The following AUTS2 variants were observed in gnomAD, a reference collection of about 807,000 sequenced individuals.
AUTS2 encodes the protein autism susceptibility gene 2 protein.
In AUTS2, 17 loss-of-function variants were observed where a neutral mutation model predicts 112.4. That is an observed-to-expected ratio of 0.15 (90% CI 0.10 to 0.23). The LOEUF (loss-of-function observed/expected upper bound fraction) is 0.23, where lower values mean the gene tolerates loss of function less well. Ranked by LOEUF, AUTS2 falls within the 10% of genes least tolerant of loss-of-function variation. The pLI is 1.00. For missense variants in AUTS2, 1,510 were observed against 1,701.6 expected (o/e 0.89, Z 1.98); for synonymous variants, 751 against 702.7 (o/e 1.07, Z -1.09).
intron 1 of AUTS2, among the ~76,000 whole-genome samples, chr7:69,836,721 A>G (rs1454791553): frequency 6.6e-6 from 1 of 152,220 alleles, no homozygotes. Context: ...TACTTTCTGC[A>G]CACTTAAACT....
intron 1 of AUTS2, among the ~76,000 whole-genome samples, chr7:69,719,376 A>G (rs1344448657): frequency 6.6e-6 from 1 of 152,178 alleles, no homozygotes; most frequent in Non-Finnish European, 1.5e-5. Flanking sequence ...TGAGTATGAT[A>G]CAACATGAAG....
chr7:70,347,454 A>T (rs1218235027), intron 4 of AUTS2, among the ~76,000 whole-genome samples: 1 of 152,202 alleles, frequency 6.6e-6, no homozygotes, highest in African/African-American at 2.4e-5. Flanking sequence ...GAAGGTGGGC[A>T]TGTATGGGTG....
At chr7:69,893,201 C>T (rs887538956) in intron 1 of AUTS2, among the ~76,000 whole-genome samples, 4 of 152,198 alleles carry the variant, frequency 2.6e-5, no homozygotes, top group African/African-American at 9.6e-5. Flanking sequence ...GAATGCCATC[C>T]TGGATGCCTT....
At chr7:70,755,412 C>G (rs978249694) in intron 6 of AUTS2, among the ~76,000 whole-genome samples, 9 of 152,114 alleles carry the variant, frequency 5.9e-5, no homozygotes, top group African/African-American at 1.7e-4. Flanking sequence ...CGCCTGTAAT[C>G]CCAGCACTTT....
At chr7:69,829,992 C>A (rs1791428883) in intron 1 of AUTS2, among the ~76,000 whole-genome samples, 1 of 152,068 alleles carries the variant, frequency 6.6e-6, no homozygotes, top group Non-Finnish European at 1.5e-5. Context: ...AACCCAGATG[C>A]CCATCAGTGA....
rs1455630963 is a variant in AUTS2 at position 70,789,874 on chromosome 7, G to A, written c.2658G>A (p.Glu886=). 2 of 1,614,052 alleles carry A rather than the reference G, an allele frequency of 1.2e-6. No homozygotes were observed. The highest frequency in any genetic ancestry group is 1.7e-6 in the Non-Finnish European group (2 of 1,180,034). ...CTCATCTGAACACTGAGGCTCGGGA[G>A]AAGGACAAACCCAAAGAGAGGGAGA... ...IRAHLNTEAR[E]KDKPKERERD... The change falls in exon 19 of 19, where the codon GAG becomes GAA. Residue 886 remains glutamate, a synonymous_variant. Transcript: ENST00000342771.
At chr7:69,778,344 T>C (rs1788988691) in intron 1 of AUTS2, among the ~76,000 whole-genome samples, 1 of 151,458 alleles carries the variant, frequency 6.6e-6, no homozygotes, top group East Asian at 1.9e-4. Flanking sequence ...GGAGAACTAC[T>C]GGTGTGGTGC....
chr7:70,235,179 C>G (rs987633967), intron 4 of AUTS2, among the ~76,000 whole-genome samples: 1 of 152,018 alleles, frequency 6.6e-6, no homozygotes, highest in Non-Finnish European at 1.5e-5. Flanking sequence ...TCTCACCCAG[C>G]CTAGAGTGTG....
intron 2 of AUTS2, among the ~76,000 whole-genome samples, chr7:70,081,068 T>C (rs932231419): frequency 6.6e-6 from 1 of 152,094 alleles, no homozygotes; most frequent in Non-Finnish European, 1.5e-5. Context: ...TTTATTTGTG[T>C]TTTTCTCTCA....
chr7:70,652,128 A>G (rs1806540607), intron 5 of AUTS2, among the ~76,000 whole-genome samples: 1 of 152,204 alleles, frequency 6.6e-6, no homozygotes, highest in South Asian at 2.1e-4. Flanking sequence ...GTGGTAGTTG[A>G]CTGCCTTCAA....
intron 2 of AUTS2, among the ~76,000 whole-genome samples, chr7:70,092,576 C>T (rs1192496685): frequency 6.6e-6 from 1 of 152,014 alleles, no homozygotes; most frequent in African/African-American, 2.4e-5. Context: ...AGAGTAGTGA[C>T]TTGGCATGCA....
chr7:70,327,559 A>G (rs73434830), intron 4 of AUTS2, among the ~76,000 whole-genome samples: 2,580 of 152,316 alleles, frequency 0.017, 88 homozygotes, highest in African/African-American at 0.059. Flanking sequence ...GGTAACTTGT[A>G]ACATCTTTTC....
intron 5 of AUTS2, among the ~76,000 whole-genome samples, chr7:70,471,425 T>G (rs1008811125): frequency 2.6e-5 from 4 of 152,180 alleles, no homozygotes; most frequent in African/African-American, 9.7e-5. Context: ...AAAAAGCAGG[T>G]GTGTCCTTCT....
intron 4 of AUTS2, among the ~76,000 whole-genome samples, chr7:70,367,971 G>C (rs1405912550): frequency 6.6e-6 from 1 of 152,180 alleles, no homozygotes; most frequent in African/African-American, 2.4e-5. Context: ...GAGAAATGGA[G>C]AACTCTGGCT....
intron 4 of AUTS2, among the ~76,000 whole-genome samples, chr7:70,307,812 A>C (rs924353300): frequency 6.6e-6 from 1 of 152,190 alleles, no homozygotes; most frequent in Admixed American, 6.5e-5. Context: ...AATGCCATAA[A>C]ATATAGGATA....
intron 5 of AUTS2, among the ~76,000 whole-genome samples, chr7:70,566,687 G>A (rs1362447396): frequency 2.0e-5 from 3 of 152,262 alleles, no homozygotes; most frequent in Admixed American, 2.0e-4. Flanking sequence ...ACAGATGAAT[G>A]ATCAAGGAAC....
At chr7:69,746,758 T>C (rs566666549) in intron 1 of AUTS2, among the ~76,000 whole-genome samples, 1 of 152,234 alleles carries the variant, frequency 6.6e-6, no homozygotes, top group South Asian at 2.1e-4. Context: ...ATAAGGACTT[T>C]GGCCTGTGCT....
At chr7:70,043,789 A>G (rs1298831203) in intron 2 of AUTS2, among the ~76,000 whole-genome samples, 1 of 151,824 alleles carries the variant, frequency 6.6e-6, no homozygotes, top group African/African-American at 2.4e-5. Flanking sequence ...TTGTATTTTC[A>G]GTAGAGACAG....
intron 4 of AUTS2, among the ~76,000 whole-genome samples, chr7:70,187,796 T>A (rs1809684694): frequency 6.9e-6 from 1 of 144,976 alleles, no homozygotes; most frequent in Non-Finnish European, 1.5e-5. Flanking sequence ...TTTTTTTTTT[T>A]GAGACGGAGT....
Sources: allele counts gnomAD v4.1 joint callset (sites outside exome capture counted in the v4.1 genomes callset), GRCh38; gene constraint gnomAD v4.1.1; transcripts MANE v1.5; gene names NCBI Gene and HGNC (gene_info 2026-07-23, HGNC 2026-07-21).